The following BCL2L11 variants were observed in gnomAD, a reference collection of about 807,000 sequenced individuals.
BCL2L11 encodes the protein BCL2 like 11.
BCL2L11 carries 15 observed loss-of-function variants against 20.6 expected under a neutral mutation model. The ratio of observed to expected loss-of-function variants is 0.73; its 90% CI spans 0.49 to 1.12. The LOEUF (loss-of-function observed/expected upper bound fraction) is 1.12, where lower values mean the gene tolerates loss of function less well. BCL2L11 is among the 50% of genes most tolerant of loss of function. The probability of loss-of-function intolerance (pLI) is 0.00; values close to 1 mark genes in which losing one functional copy is unlikely to be tolerated. For missense variants in BCL2L11, 292 were observed against 260.9 expected (o/e 1.12, Z -0.82); for synonymous variants, 108 against 92.8 (o/e 1.16, Z -0.94).
At position 111,146,302 on chromosome 2, in the gene BCL2L11, C is replaced by T. The variant is rs186322907; in HGVS notation, c.395-3742C>T. The T allele has an allele frequency of 5.9e-5, 53 of 898,078 alleles. No homozygotes were observed. In the African/African-American group the frequency reaches 7.0e-4, roughly 12 times the overall value. The allele number at this position is 898,078 out of a possible 1,614,324, so 55.6% of individuals were successfully genotyped here. A position where few individuals can be genotyped will look rare whatever the true frequency, so the allele number is the denominator to read the frequency against. On this transcript the variant is annotated intron_variant, in intron 2 of 3. Coordinates refer to ENST00000393256, the MANE Select transcript of BCL2L11 (RefSeq NM_138621.5). ...TTTATAGACCAGGTATCAACATTTA[C>T]GGCGGTCAGACACATTGCAGATAGC...
At chr2:111,130,495 C>G (rs759762648) in intron 2 of BCL2L11, among the ~76,000 whole-genome samples, 1 of 152,216 alleles carries the variant, frequency 6.6e-6, no homozygotes, top group African/African-American at 2.4e-5. Flanking sequence ...TGCTGAACTC[C>G]TTAATTCTAA....
In BCL2L11 at chr2:111,139,982, C is replaced by T. The variant is rs545823251; in HGVS notation, c.395-10062C>T. On this transcript the variant is annotated intron_variant, in intron 2 of 3. Transcript: ENST00000393256. ...AGTGAGGGCTTCCCATGGAGCATGTCTCCCTTTCAGTCACACATCTTGCGC... is the reference window on the plus strand; with the variant it reads ...AGTGAGGGCTTCCCATGGAGCATGTTTCCCTTTCAGTCACACATCTTGCGC... 4.6e-5 allele frequency among the ~76,000 whole-genome samples: 7 copies of T among 152,352 alleles called. No homozygotes were observed. In the South Asian group the frequency reaches 1.4e-3, roughly 32 times the overall value.
chr2:111,164,527 T>C lies in BCL2L11; in HGVS notation c.*296T>C, dbSNP rs367628733. On this transcript the variant is annotated 3_prime_UTR_variant, in exon 4 of 4. Transcript: ENST00000393256. The stretch of plus-strand genomic sequence containing the variant: ...ATTTTGTGTAAGAATGGTGTTTACA[T>C]GCAGTGTGTTTTCCCCCTCACCTTC... 18 of 260,698 alleles carry C rather than the reference T, an allele frequency of 6.9e-5. 1 individual carries two copies. In the East Asian group the frequency reaches 1.2e-3, roughly 18 times the overall value. 16.1% of individuals were successfully genotyped at this position (260,698 alleles called of 1,614,324 possible). A position where few individuals can be genotyped will look rare whatever the true frequency, so the allele number is the denominator to read the frequency against.
intron 1 of BCL2L11, chr2:111,123,376 G>GA: frequency 5.1e-6 from 5 of 985,488 alleles, no homozygotes; most frequent in Non-Finnish European, 6.0e-6. Context: ...CTAACCCCGG[G>GA]AAGTCAGAGC....
At chr2:111,123,309 C>A in intron 1 of BCL2L11, 1 of 985,508 alleles carries the variant, frequency 1.0e-6, no homozygotes, top group Non-Finnish European at 1.2e-6. Flanking sequence ...GCAGGGAACG[C>A]GGCCAGCCGC....
At chr2:111,156,409 C>A (rs1221677827) in intron 3 of BCL2L11, among the ~76,000 whole-genome samples, 6 of 110,188 alleles carry the variant, frequency 5.4e-5, no homozygotes, top group Non-Finnish European at 1.1e-4. Flanking sequence ...TGCCATTGAT[C>A]AGTGGCACGG....
At chr2:111,132,955 TG>T (rs1318596854) in intron 2 of BCL2L11, among the ~76,000 whole-genome samples, 1 of 152,206 alleles carries the variant, frequency 6.6e-6, no homozygotes, top group East Asian at 1.9e-4. Context: ...TGTCTCCAAT[TG>T]CATATAGAAC....
At chr2:111,123,454 G>C in intron 1 of BCL2L11, 1 of 985,474 alleles carries the variant, frequency 1.0e-6, no homozygotes, top group Non-Finnish European at 1.2e-6. Flanking sequence ...ATAGACTTCA[G>C]ATTAGCTGCT....
At chr2:111,149,540 T>C (rs1003754838) in intron 2 of BCL2L11, among the ~76,000 whole-genome samples, 19 of 152,350 alleles carry the variant, frequency 1.2e-4, no homozygotes, top group South Asian at 1.2e-3. Context: ...AACCAACTTA[T>C]TCAGGTTTCT....
intron 2 of BCL2L11, among the ~76,000 whole-genome samples, chr2:111,129,251 G>A (rs529282043): frequency 6.6e-6 from 1 of 152,294 alleles, no homozygotes; most frequent in East Asian, 1.9e-4. Context: ...CCCAATAGAG[G>A]TGTCTTCGAG....
chr2:111,143,625 G>A (rs186746941), intron 2 of BCL2L11, among the ~76,000 whole-genome samples: 97 of 152,262 alleles, frequency 6.4e-4, no homozygotes, highest in African/African-American at 2.1e-3. Context: ...CCCAGGAAGC[G>A]GGCACACAGG....
At chr2:111,150,852 C>A (rs1487006731) in intron 3 of BCL2L11, among the ~76,000 whole-genome samples, 1 of 152,078 alleles carries the variant, frequency 6.6e-6, no homozygotes, top group Non-Finnish European at 1.5e-5. Context: ...ATGTAGGTGA[C>A]CATTTGGACA....
intron 2 of BCL2L11, among the ~76,000 whole-genome samples, chr2:111,141,478 C>T (rs1437290053): frequency 7.5e-6 from 1 of 134,224 alleles, no homozygotes; most frequent in Non-Finnish European, 1.5e-5. Context: ...ATCACATGGA[C>T]ACAGGAAGGG....
chr2:111,122,627 C>T lies in BCL2L11; in HGVS notation c.-13-1106C>T, dbSNP rs992323680. ...TGCCGGCGGCGGCGGGCGCAGAGCG[C>T]GAGGGGAGGAGCGGGAGGAGGCGGA... is the stretch of plus-strand genomic sequence containing the variant. On this transcript the variant is annotated intron_variant, in intron 1 of 3. Coordinates refer to ENST00000393256, the MANE Select transcript of BCL2L11 (RefSeq NM_138621.5). 3 of 984,166 alleles carry T rather than the reference C, an allele frequency of 3.0e-6. No homozygotes were observed. In the African/African-American group the frequency reaches 5.3e-5, roughly 17 times the overall value. 61.0% of individuals were successfully genotyped at this position (984,166 alleles called of 1,614,324 possible).
At chr2:111,148,969 A>G (rs1311357253) in intron 2 of BCL2L11, among the ~76,000 whole-genome samples, 2 of 152,188 alleles carry the variant, frequency 1.3e-5, no homozygotes, top group East Asian at 1.9e-4. Context: ...GCAAAATCCT[A>G]TTATCGTAGG....
chr2:111,141,670 T>A (rs566511028), intron 2 of BCL2L11, among the ~76,000 whole-genome samples: 167 of 150,170 alleles, frequency 1.1e-3, no homozygotes, highest in Admixed American at 6.0e-3. Flanking sequence ...ATATAAAAAA[T>A]AATAATAATA....
intron 3 of BCL2L11, among the ~76,000 whole-genome samples, chr2:111,158,877 T>A (rs977380554): frequency 4.6e-5 from 7 of 152,228 alleles, no homozygotes; most frequent in African/African-American, 1.4e-4. Flanking sequence ...CCTTTTTTTT[T>A]AAATTGTGTT....
At chr2:111,145,251 C>A (rs543371810) in intron 2 of BCL2L11, among the ~76,000 whole-genome samples, 2 of 152,160 alleles carry the variant, frequency 1.3e-5, no homozygotes, top group East Asian at 1.9e-4. Flanking sequence ...ACTGAGGCTG[C>A]AGTTGAGAAT....
chr2:111,156,096 G>A (rs1279274141), intron 3 of BCL2L11, among the ~76,000 whole-genome samples: 7 of 152,298 alleles, frequency 4.6e-5, no homozygotes, highest in Non-Finnish European at 2.9e-5. Flanking sequence ...TGTGAATAAT[G>A]TACAAAGGCA....
Sources: gnomAD v4.1 joint callset for allele counts (sites outside exome capture counted in the v4.1 genomes callset) on GRCh38, gnomAD v4.1.1 for gene constraint, MANE v1.5 for transcripts, NCBI Gene and HGNC (gene_info 2026-07-23, HGNC 2026-07-21) for gene names.